RORB: variants seen among roughly 807,000 people sequenced by gnomAD.
RORB encodes the protein RAR related orphan receptor B, also known as nuclear receptor ROR-beta.
Under a neutral mutation model 59.1 loss-of-function variants are expected in RORB, and 6 were observed. That is an observed-to-expected ratio of 0.10 (90% CI 0.06 to 0.20). The LOEUF is 0.20. Ranked by LOEUF, RORB falls within the 10% of genes least tolerant of loss-of-function variation. The pLI, the probability that RORB is intolerant of heterozygous loss-of-function variation, is 1.00. For synonymous variants in RORB, 215 were observed against 204.5 expected, an observed-to-expected ratio of 1.05 and a Z score of -0.44; for missense variants, 320 against 560.5, an observed-to-expected ratio of 0.57 and a Z score of 4.33.
At chr9:74,599,490 G>A (rs1231109532) in intron 1 of RORB, among the ~76,000 whole-genome samples, 1 of 152,136 alleles carries the variant, frequency 6.6e-6, no homozygotes, top group Middle Eastern at 3.2e-3. Context: ...TTCCTCTGCT[G>A]TCCCGGAAGA....
intron 3 of RORB, among the ~76,000 whole-genome samples, chr9:74,640,947 G>C (rs761150416): frequency 6.6e-6 from 1 of 152,190 alleles, no homozygotes; most frequent in Non-Finnish European, 1.5e-5. Context: ...GTGCTAGAGA[G>C]TTCTTAAGCA....
chr9:74,571,517 G>A (rs1293900167), intron 1 of RORB, among the ~76,000 whole-genome samples: 2 of 151,472 alleles, frequency 1.3e-5, no homozygotes, highest in African/African-American at 4.8e-5. Flanking sequence ...AAAAGTTATC[G>A]TTGTTAAAAG....
At chr9:74,528,087 C>T (rs553633067) in intron 1 of RORB, among the ~76,000 whole-genome samples, 1 of 152,054 alleles carries the variant, frequency 6.6e-6, no homozygotes, top group East Asian at 1.9e-4. Context: ...CCAAATCTGT[C>T]ACTTTCTTTT....
intron 1 of RORB, chr9:74,630,063 GA>G (rs1823590042): frequency 1.5e-5 from 3 of 194,064 alleles, no homozygotes. Flanking sequence ...TTTTTAGTTT[GA>G]GAAAAACGAA....
At chr9:74,577,620 G>A (rs1822657268) in intron 1 of RORB, among the ~76,000 whole-genome samples, 1 of 152,032 alleles carries the variant, frequency 6.6e-6, no homozygotes, top group African/African-American at 2.4e-5. Flanking sequence ...TTAGCAGAAG[G>A]TGACACCCAT....
chr9:74,681,695 C>T (rs1218527838), intron 9 of RORB, among the ~76,000 whole-genome samples: 1 of 152,074 alleles, frequency 6.6e-6, no homozygotes, highest in Non-Finnish European at 1.5e-5. Context: ...AAACCAGACA[C>T]GTAATTAAAT....
Position 74,654,061 on chromosome 9 carries a change from T to G in RORB, c.638-6556T>G, listed in dbSNP as rs774410887. The stretch of plus-strand genomic sequence containing the variant: ...GGATGACTTGTTTCCAAACTTTGCT[T>G]AACTGTGTGGATCAATATGTAAGAG... On this transcript the variant is annotated intron_variant, in intron 4 of 9. Coordinates refer to ENST00000376896, the MANE Select transcript of RORB (RefSeq NM_006914.4). 2.0e-5 allele frequency among the ~76,000 whole-genome samples: 3 copies of G among 152,238 alleles called. No homozygotes were observed. The South Asian group carries it at 6.2e-4, about 31-fold the overall frequency.
intron 1 of RORB, among the ~76,000 whole-genome samples, chr9:74,623,441 C>CTTTTTTTTTTTT (rs35945048): frequency 6.9e-6 from 1 of 145,458 alleles, no homozygotes; most frequent in Non-Finnish European, 1.5e-5. Context: ...TTTTCTCTCT[C>CTTTTTTTTTTTT]TTTTTTTTTT....
At chr9:74,556,783 G>A (rs1422711392) in intron 1 of RORB, among the ~76,000 whole-genome samples, 1 of 152,082 alleles carries the variant, frequency 6.6e-6, no homozygotes, top group Non-Finnish European at 1.5e-5. Flanking sequence ...GGGGGCGGTA[G>A]GAAATGAGTA....
Position 74,634,765 on chromosome 9 carries a change from A to G in RORB, c.228A>G (p.Ser76=). The change falls in exon 3 of 10, where the codon TCA becomes TCG. Residue 76 remains serine, a synonymous_variant. Coordinates refer to ENST00000376896, the MANE Select transcript of RORB (RefSeq NM_006914.4). ...RLQKCLALGM[S]RDAVKFGRMS... is the part of the protein sequence containing the mutation. Reference sequence around the variant, plus strand: ...AGAAGTGTCTTGCCCTAGGAATGTCAAGAGATGGTAAGACATTACCTTCCT... The same window carrying G: ...AGAAGTGTCTTGCCCTAGGAATGTCGAGAGATGGTAAGACATTACCTTCCT... 6.2e-7 allele frequency: 1 copy of G among 1,611,460 alleles called. No homozygotes were observed. Among genetic ancestry groups the G allele is most frequent in the Non-Finnish European group, 8.5e-7 (1 of 1,178,776 alleles).
chr9:74,603,429 C>A (rs11144020), intron 1 of RORB, among the ~76,000 whole-genome samples: 69,931 of 151,896 alleles, frequency 0.46, 16,527 homozygotes, highest in East Asian at 0.77. Flanking sequence ...ATTCTGTTGA[C>A]TAAGGATGCA....
chr9:74,659,151 G>T (rs1465281252), intron 4 of RORB, among the ~76,000 whole-genome samples: 2 of 152,108 alleles, frequency 1.3e-5, no homozygotes, highest in African/African-American at 4.8e-5. Context: ...TTTCCAACGT[G>T]CCAGGCAATG....
intron 9 of RORB, among the ~76,000 whole-genome samples, chr9:74,683,192 T>A (rs1343749585): frequency 6.6e-6 from 1 of 152,188 alleles, no homozygotes; most frequent in Admixed American, 6.5e-5. Context: ...TGCAGATGAT[T>A]GTAGAAAGCG....
chr9:74,645,760 C>T (rs1384333319), intron 4 of RORB, among the ~76,000 whole-genome samples: 1 of 151,998 alleles, frequency 6.6e-6, no homozygotes, highest in Admixed American at 6.6e-5. Flanking sequence ...ATGGAAAAAT[C>T]GAGGCTTAGA....
chr9:74,598,685 C>T (rs919418186), intron 1 of RORB, among the ~76,000 whole-genome samples: 9 of 152,102 alleles, frequency 5.9e-5, no homozygotes, highest in African/African-American at 2.2e-4. Flanking sequence ...GCATGCTGTG[C>T]AATTGGTATA....
intron 1 of RORB, among the ~76,000 whole-genome samples, chr9:74,511,174 G>A (rs193218702): frequency 1.8e-3 from 278 of 152,180 alleles, no homozygotes; most frequent in Middle Eastern, 6.8e-3. Context: ...TACTCATGAT[G>A]TATTCAATAT....
intron 1 of RORB, among the ~76,000 whole-genome samples, chr9:74,545,632 G>T (rs1826474929): frequency 6.6e-6 from 1 of 152,132 alleles, no homozygotes; most frequent in South Asian, 2.1e-4. Context: ...TTGGAGAGAG[G>T]TGGTAGAAAA....
intron 8 of RORB, among the ~76,000 whole-genome samples, chr9:74,668,892 C>T (rs552166489): frequency 1.1e-4 from 17 of 152,212 alleles, no homozygotes; most frequent in Middle Eastern, 3.4e-3. Flanking sequence ...GAGGTGAGGA[C>T]AGCAGAGGGG....
intron 1 of RORB, among the ~76,000 whole-genome samples, chr9:74,549,264 G>T (rs1029184977): frequency 3.2e-4 from 48 of 151,984 alleles, no homozygotes; most frequent in African/African-American, 1.1e-3. Flanking sequence ...TGGCTAACAC[G>T]GTGAAACCGT....
Sources: allele counts gnomAD v4.1 joint callset (sites outside exome capture counted in the v4.1 genomes callset), GRCh38; gene constraint gnomAD v4.1.1; transcripts MANE v1.5; gene names NCBI Gene and HGNC (gene_info 2026-07-23, HGNC 2026-07-21).